Variants in APLP2 observed in about 807,000 individuals in gnomAD.
APLP2 encodes amyloid beta precursor like protein 2, also known as CDEI box-binding protein.
A neutral mutation model predicts 89.9 loss-of-function variants in APLP2; 53 were observed. That is an observed-to-expected ratio of 0.59 (90% CI 0.47 to 0.74). APLP2 has a LOEUF of 0.74. Ranked by LOEUF, APLP2 falls within the 30% of genes least tolerant of loss-of-function variation. APLP2 has a pLI of 0.00. For missense variants in APLP2, 973 were observed against 975.9 expected, an observed-to-expected ratio of 1.00 and a Z score of 0.04; for synonymous variants, 372 against 348.6, an observed-to-expected ratio of 1.07 and a Z score of -0.75.
chr11:130,115,009 G>A (rs1435928188), intron 3 of APLP2, among the ~76,000 whole-genome samples: 1 of 152,054 alleles, frequency 6.6e-6, no homozygotes, highest in African/African-American at 2.4e-5. Flanking sequence ...TGTGCAAGGT[G>A]AATGTTCCAC....
intron 1 of APLP2, among the ~76,000 whole-genome samples, chr11:130,087,172 G>A (rs1475361439): frequency 6.6e-6 from 1 of 152,154 alleles, no homozygotes; most frequent in Non-Finnish European, 1.5e-5. Context: ...TGAGTGTAAG[G>A]TGTTTGGTGA....
At chr11:130,117,480 A>G (rs895974221) in intron 3 of APLP2, among the ~76,000 whole-genome samples, 2 of 151,334 alleles carry the variant, frequency 1.3e-5, no homozygotes, top group Admixed American at 6.6e-5. Flanking sequence ...TCTCTTGCCC[A>G]GGCTGGAGTG....
intron 1 of APLP2, among the ~76,000 whole-genome samples, chr11:130,090,767 T>C (rs1224118428): frequency 2.6e-5 from 4 of 152,226 alleles, no homozygotes; most frequent in African/African-American, 9.6e-5. Flanking sequence ...CCGCTCTCAA[T>C]GAGCCGTTGG....
intron 1 of APLP2, among the ~76,000 whole-genome samples, chr11:130,102,852 A>G (rs917340145): frequency 6.6e-6 from 1 of 152,260 alleles, no homozygotes; most frequent in African/African-American, 2.4e-5. Flanking sequence ...CCAAATTAAT[A>G]AAATGGAATT....
Position 130,110,554 on chromosome 11 carries a change from A to C in APLP2, c.296A>C (p.Gln99Pro). Reference sequence around the variant, plus strand: ...TCTTAACAGATGTATCCAGAGCTACAGATCACAAATGTGATGGAGGCAAAC... The same window carrying C: ...TCTTAACAGATGTATCCAGAGCTACCGATCACAAATGTGATGGAGGCAAAC... ...QYCQEMYPEL[Q>P]ITNVMEANQR... is the part of the protein sequence containing the mutation. The change falls in exon 3 of 17, where the codon CAG (glutamine) becomes CCG (proline). Residue 99 changes from glutamine to proline, a missense_variant. By Grantham distance (76) the Gln-to-Pro change is moderately conservative. Transcript: ENST00000338167. The C allele has an allele frequency of 6.2e-7, 1 of 1,613,910 alleles. No individual in the cohort carries two copies. Among genetic ancestry groups the C allele is most frequent in the Non-Finnish European group, 8.5e-7 (1 of 1,179,960 alleles).
intron 1 of APLP2, among the ~76,000 whole-genome samples, chr11:130,079,838 A>G (rs547908868): frequency 3.5e-4 from 54 of 152,350 alleles, no homozygotes; most frequent in African/African-American, 1.2e-3. Flanking sequence ...TGCAATTTAT[A>G]TGATACTCGT....
chr11:130,112,053 G>A (rs1197205661), intron 3 of APLP2, among the ~76,000 whole-genome samples: 1 of 152,052 alleles, frequency 6.6e-6, no homozygotes, highest in Non-Finnish European at 1.5e-5. Context: ...TTATCTCCCT[G>A]TATGCGGTCA....
chr11:130,092,982 C>T (rs941876392), intron 1 of APLP2, among the ~76,000 whole-genome samples: 1 of 152,092 alleles, frequency 6.6e-6, no homozygotes, highest in Non-Finnish European at 1.5e-5. Context: ...GCTGAGGCCC[C>T]AGGGGACATA....
chr11:130,084,288 T>A (rs1226445926), intron 1 of APLP2, among the ~76,000 whole-genome samples: 3 of 137,704 alleles, frequency 2.2e-5, no homozygotes, highest in African/African-American at 9.7e-5. Context: ...GAGGGTATCA[T>A]ATTATTTTTG....
chr11:130,078,482 T>G (rs4565907), intron 1 of APLP2, among the ~76,000 whole-genome samples: 14,999 of 152,190 alleles, frequency 0.099, 1,114 homozygotes, highest in African/African-American at 0.2. Context: ...GTCTTGTCTT[T>G]TCTTTTTCTT....
chr11:130,121,757 T>TGAAGAGGAAGAG lies in APLP2; in HGVS notation c.672_683dup (p.Glu224_Glu227dup). The TGAAGAGGAAGAG allele has an allele frequency of 6.2e-7, 1 of 1,609,956 alleles. No individual in the cohort carries two copies. Among genetic ancestry groups the TGAAGAGGAAGAG allele is most frequent in the East Asian group, 2.2e-5 (1 of 44,772 alleles). On this transcript the variant is annotated inframe_insertion, in exon 5 of 17. Coordinates refer to ENST00000338167, the MANE Select transcript of APLP2 (RefSeq NM_001142276.2). The stretch of plus-strand genomic sequence containing the variant: ...TGTCAAAAGAAGAGGAAGAGGAAGA[T>TGAAGAGGAAGAG]GAAGAGGAAGAGGAAGAGGAAGATG...
At position 130,091,725 on chromosome 11, in the gene APLP2, C is replaced by A. The variant is rs1323928074; in HGVS notation, c.106-17704C>A. Among the ~76,000 whole-genome samples the A allele has an allele frequency of 9.1e-4, 124 of 136,810 alleles. No individual in the cohort carries two copies. The Middle Eastern group carries it at 0.013, about 14-fold the overall frequency. 89.8% of individuals were successfully genotyped at this position (136,810 alleles called of 152,430 possible). A position where few individuals can be genotyped will look rare whatever the true frequency, so the allele number is the denominator to read the frequency against. On this transcript the variant is annotated intron_variant, in intron 1 of 16. Transcript: ENST00000338167. ...GCGGCTGGCCGGGCGGGGGGCTGAC[C>A]CCCCCACCTCCCTCCCGGACGGCAC...
At chr11:130,116,059 G>A (rs529935749) in intron 3 of APLP2, among the ~76,000 whole-genome samples, 5 of 151,936 alleles carry the variant, frequency 3.3e-5, no homozygotes, top group Non-Finnish European at 4.4e-5. Flanking sequence ...ATGATACAAC[G>A]TATGCTCCTC....
intron 7 of APLP2, 26 bp from the exon 8 acceptor site, chr11:130,126,674 G>T: frequency 6.2e-7 from 1 of 1,612,314 alleles, no homozygotes. Flanking sequence ...ATCCCAAAGA[G>T]AACTCCCTCT....
intron 3 of APLP2, among the ~76,000 whole-genome samples, chr11:130,117,987 G>A (rs1949392477): frequency 6.6e-6 from 1 of 150,900 alleles, no homozygotes; most frequent in Admixed American, 6.6e-5. Context: ...TGAGGCAGGA[G>A]AATCACTTGA....
At position 130,123,858 on chromosome 11, in the gene APLP2, C is replaced by T; in HGVS notation, c.1090+79C>T. On this transcript the variant is annotated intron_variant, in intron 7 of 16. Transcript: ENST00000338167. This position sits in a 1 kb window ranked among gnomAD's most constrained non-coding sequence, Gnocchi z 4.0. ...CGTCTCCCTGCCGTCTTCGTGGCTG[C>T]ATCTGTGTGGTGTCCCTGCCCACTC... is the stretch of plus-strand genomic sequence containing the variant. 1 of 1,518,500 alleles carries T rather than the reference C, an allele frequency of 6.6e-7. No homozygotes were observed. The allele number at this position is 1,518,500 out of a possible 1,614,324, so 94.1% of individuals were successfully genotyped here.
chr11:130,116,616 A>G (rs536829603), intron 3 of APLP2, among the ~76,000 whole-genome samples: 6 of 152,092 alleles, frequency 3.9e-5, no homozygotes, highest in East Asian at 3.9e-4. Context: ...GATTACAGGC[A>G]TTCGCCACCA....
chr11:130,126,385 T>C (rs1424720597), intron 7 of APLP2, among the ~76,000 whole-genome samples: 1 of 152,198 alleles, frequency 6.6e-6, no homozygotes, highest in East Asian at 1.9e-4. Flanking sequence ...GTTTCCAGGG[T>C]TCGAGCACTG....
chr11:130,110,441 G>A (rs1948401792), intron 2 of APLP2, 97 bp from the exon 3 acceptor site: 1 of 1,446,748 alleles, frequency 6.9e-7, no homozygotes, highest in South Asian at 1.3e-5. Context: ...GTAGGATAAG[G>A]GTGGAGGCTG....
Sources: gnomAD v4.1 joint callset for allele counts (sites outside exome capture counted in the v4.1 genomes callset) on GRCh38, gnomAD v4.1.1 for gene constraint, Gnocchi (gnomAD v3.1) non-coding constraint, MANE v1.5 for transcripts, NCBI Gene and HGNC (gene_info 2026-07-23, HGNC 2026-07-21) for gene names.